Variants in C12orf71 observed in about 807,000 individuals in gnomAD.
C12orf71 encodes the protein chromosome 12 open reading frame 71.
In C12orf71, 10 loss-of-function variants were observed where a neutral mutation model predicts 11.7. That is an observed-to-expected ratio of 0.86 (90% CI 0.53 to 1.45). The LOEUF is 1.45. Among genes scored for constraint, C12orf71 ranks in the 40% most tolerant of loss-of-function variants. The pLI, the probability that C12orf71 is intolerant of heterozygous loss-of-function variation, is 0.00. For missense variants in C12orf71, 293 were observed against 325.8 expected (o/e 0.90, Z 0.78); for synonymous variants, 110 against 123.4 (o/e 0.89, Z 0.72).
In C12orf71 at chr12:27,081,059, T is replaced by G; in HGVS notation, c.*115A>C. The G allele has an allele frequency of 1.3e-6, 1 of 763,810 alleles. No individual in the cohort carries two copies. Among genetic ancestry groups the G allele is most frequent in the Non-Finnish European group, 2.1e-6 (1 of 476,986 alleles). 47.3% of individuals were successfully genotyped at this position (763,810 alleles called of 1,614,324 possible). A position where few individuals can be genotyped will look rare whatever the true frequency, so the allele number is the denominator to read the frequency against. On this transcript the variant is annotated 3_prime_UTR_variant, in exon 2 of 2. Transcript: ENST00000429849. ...GATGGTGTGCTGGGAGAGGAAGATG[T>G]GGGGTAACAAGAGCATTTATTTTGT...
At chr12:27,082,971 C>T (rs180683262), upstream of C12orf71, among the ~76,000 whole-genome samples, 20 of 151,498 alleles carry the variant, frequency 1.3e-4, no homozygotes, top group East Asian at 2.7e-3. Context: ...GATGGAGCCT[C>T]GCTCTGTTGT....
At position 27,082,126 on chromosome 12, in the gene C12orf71, G is replaced by A. The variant is rs765466815; in HGVS notation, c.358C>T (p.Pro120Ser). 2.5e-6 allele frequency: 4 copies of A among 1,613,120 alleles called. No homozygotes were observed. In the East Asian group the frequency reaches 8.9e-5, roughly 36 times the overall value. The change falls in exon 1 of 2, where the codon CCA becomes TCA. Residue 120 changes from proline to serine, a missense_variant. Coordinates refer to ENST00000429849, the MANE Select transcript of C12orf71 (RefSeq NM_001080406.2). Reference protein sequence around the residue: ...NGDNLWIDKLPKERTKLSVGK... With the variant: ...NGDNLWIDKLSKERTKLSVGK... ...ACAGACAGTTTTGTTCTCTCTTTTG[G>A]TAACTTGTCTATCCACAGGTTGTCT...
In C12orf71 at chr12:27,082,342, C is replaced by T; in HGVS notation, c.142G>A (p.Gly48Ser). 2.5e-6 allele frequency: 4 copies of T among 1,600,026 alleles called. No homozygotes were observed. The highest frequency in any genetic ancestry group is 3.4e-6 in the Non-Finnish European group (4 of 1,174,152). Reference sequence around the variant, plus strand: ...GGAGGCAGAAAGTGGATGGAAGGACCCTTGGAAGGTGCATCTTCCCAGGAG... The same window carrying T: ...GGAGGCAGAAAGTGGATGGAAGGACTCTTGGAAGGTGCATCTTCCCAGGAG... The part of the protein sequence containing the change: ...TTSWEDAPSK[G>S]PSIHFLPPVQ... Residue 48 changes from glycine to serine, a missense_variant, in exon 1 of 2, where the codon GGT (glycine) becomes AGT (serine). Coordinates refer to ENST00000429849, the MANE Select transcript of C12orf71 (RefSeq NM_001080406.2).
chr12:27,081,749 C>G (rs1288083399), intron 1 of C12orf71: 8 of 716,794 alleles, frequency 1.1e-5, no homozygotes, highest in Non-Finnish European at 2.0e-5. Flanking sequence ...ACTGGTATCA[C>G]GTCAGTCCCC....
upstream of C12orf71, chr12:27,082,607 C>A (rs1941947308): frequency 4.5e-6 from 3 of 669,112 alleles, no homozygotes; most frequent in Non-Finnish European, 6.7e-6. Flanking sequence ...ATTCCCTTCT[C>A]TTTTTTCTTT....
At position 27,082,347 on chromosome 12, in the gene C12orf71, G is replaced by C. The variant is rs774555349; in HGVS notation, c.137C>G (p.Ser46Cys). The C allele has an allele frequency of 1.3e-6, 2 of 1,599,288 alleles. No individual in the cohort carries two copies. Among genetic ancestry groups the C allele is most frequent in the Non-Finnish European group, 1.7e-6 (2 of 1,173,726 alleles). ...CAGAAAGTGGATGGAAGGACCCTTG[G>C]AAGGTGCATCTTCCCAGGAGGTTGT... is the stretch of plus-strand genomic sequence containing the variant. ...EDTTSWEDAP[S>C]KGPSIHFLPP... is the part of the protein sequence containing the mutation. The change falls in exon 1 of 2, where the codon TCC (serine) becomes TGC (cysteine). Residue 46 changes from serine to cysteine, a missense_variant. Physicochemically the swap from Ser to Cys is moderately radical, Grantham distance 112 (BLOSUM62 -1). Transcript: ENST00000429849.
chr12:27,082,957 T>C (rs1591805542), upstream of C12orf71, among the ~76,000 whole-genome samples: 1 of 151,888 alleles, frequency 6.6e-6, no homozygotes, highest in Non-Finnish European at 1.5e-5. Flanking sequence ...GTTTTTTTTT[T>C]TGAGATGGAG....
At position 27,081,409 on chromosome 12, in the gene C12orf71, A is replaced by G; in HGVS notation, c.575T>C (p.Leu192Pro). ...GTCATCCTTCTCTGGCTGCTCTGAC[A>G]GGATTGAGGAGATCTCTGGAGCGCT... is the stretch of plus-strand genomic sequence containing the variant. ...RTSAPEISSI[L>P]SEQPEKDDTP... The change falls in exon 2 of 2, where the codon CTG (leucine) becomes CCG (proline). Residue 192 changes from leucine (L) to proline (P), a missense_variant. By Grantham distance (98) the Leu-to-Pro change is moderately conservative. Transcript: ENST00000429849. The G allele has an allele frequency of 3.1e-6, 5 of 1,614,000 alleles. No homozygotes were observed. Among genetic ancestry groups the G allele is most frequent in the Non-Finnish European group, 3.4e-6 (4 of 1,179,882 alleles).
chr12:27,081,873 C>G, intron 1 of C12orf71, 95 bp downstream of exon 1: 1 of 1,279,784 alleles, frequency 7.8e-7, no homozygotes, highest in Non-Finnish European at 1.1e-6. Flanking sequence ...TCCCTTAAGC[C>G]TTAGAGGAGT....
upstream of C12orf71, among the ~76,000 whole-genome samples, chr12:27,082,962 A>T (rs756883790): frequency 1.3e-5 from 2 of 149,814 alleles, no homozygotes; most frequent in African/African-American, 4.9e-5. Context: ...TTTTTTTGAG[A>T]TGGAGCCTCG....
chr12:27,084,069 C>A (rs747910065), upstream of C12orf71, among the ~76,000 whole-genome samples: 6 of 152,164 alleles, frequency 3.9e-5, no homozygotes, highest in East Asian at 1.2e-3. Context: ...AAAGGAGACA[C>A]GAGAAATCCT....
Position 27,081,095 on chromosome 12 carries a change from A to G in C12orf71, c.*79T>C. On this transcript the variant is annotated 3_prime_UTR_variant, in exon 2 of 2. Coordinates refer to ENST00000429849, the MANE Select transcript of C12orf71 (RefSeq NM_001080406.2). ...GAGCATTTATTTTGTTTATTGAGGA[A>G]AAAACAAACTGATGGGGATTATTAA... is the stretch of plus-strand genomic sequence containing the variant. The G allele has an allele frequency of 8.6e-7, 1 of 1,164,744 alleles. No homozygotes were observed. Among genetic ancestry groups the G allele is most frequent in the South Asian group, 1.5e-5 (1 of 64,802 alleles). 72.2% of individuals were successfully genotyped at this position (1,164,744 alleles called of 1,614,324 possible).
intron 1 of C12orf71, 75 bp from the exon 2 acceptor site, chr12:27,081,542 G>T: frequency 1.4e-6 from 2 of 1,451,494 alleles, no homozygotes; most frequent in Non-Finnish European, 1.9e-6. Flanking sequence ...CTCATTTGTG[G>T]AACTCACATC....
chr12:27,083,101 CA>C (rs1941951320), upstream of C12orf71, among the ~76,000 whole-genome samples: 1 of 151,992 alleles, frequency 6.6e-6, no homozygotes, highest in Non-Finnish European at 1.5e-5. Context: ...CCACCATGCC[CA>C]GCTAATTTTT....
At chr12:27,082,972 G>C (rs140317720), upstream of C12orf71, among the ~76,000 whole-genome samples, 516 of 150,662 alleles carry the variant, frequency 3.4e-3, 3 homozygotes, top group Non-Finnish European at 2.3e-3. Context: ...ATGGAGCCTC[G>C]CTCTGTTGTC....
chr12:27,083,087 C>T (rs1259552501), upstream of C12orf71, among the ~76,000 whole-genome samples: 1 of 151,972 alleles, frequency 6.6e-6, no homozygotes, highest in Non-Finnish European at 1.5e-5. Flanking sequence ...ACTACAGGCA[C>T]ATGCCACCAT....
chr12:27,081,838 C>A (rs75900936), intron 1 of C12orf71, 130 bp downstream of exon 1: 1 of 982,926 alleles, frequency 1.0e-6, no homozygotes, highest in African/African-American at 1.6e-5. Flanking sequence ...TGTGAGGCAT[C>A]TCTGCTCTCC....
Position 27,081,177 on chromosome 12 carries a change from T to C in C12orf71, c.807A>G (p.Ile269Met), listed in dbSNP as rs1359603703. 6.2e-6 allele frequency: 10 copies of C among 1,607,482 alleles called. No homozygotes were observed. The highest frequency in any genetic ancestry group is 7.7e-6 in the Non-Finnish European group (9 of 1,175,518). ...TCCAAAAAGTTTAAAAATCTGTCTATATGGGATGTCCTAATTCAAGGGTTT... is the reference window on the plus strand; with the variant it reads ...TCCAAAAAGTTTAAAAATCTGTCTACATGGGATGTCCTAATTCAAGGGTTT... ...PQETLELGHP[I>M] The change falls in exon 2 of 2, where the codon ATA (isoleucine) becomes ATG (methionine). Residue 269 changes from isoleucine (I) to methionine (M), a missense_variant. Ile to Met is a conservative substitution (Grantham distance 10). Transcript: ENST00000429849.
Position 27,082,475 on chromosome 12 carries a change from A to G in C12orf71, c.9T>C (p.Tyr3=). 1 of 1,500,354 alleles carries G rather than the reference A, an allele frequency of 6.7e-7. No homozygotes were observed. Among genetic ancestry groups the G allele is most frequent in the Admixed American group, 2.4e-5 (1 of 41,576 alleles). The allele number at this position is 1,500,354 out of a possible 1,614,324, so 92.9% of individuals were successfully genotyped here. ...CCTCTATGTCGCTGTTAGAGGATGA[A>G]TATGCCATGGAGTTCAAAGGCACAA... MA[Y]SSSNSDIEDD... Residue 3 remains tyrosine, a synonymous_variant, in exon 1 of 2, where the codon TAT becomes TAC. Coordinates refer to ENST00000429849, the MANE Select transcript of C12orf71 (RefSeq NM_001080406.2).
Sources: gnomAD v4.1 joint callset for allele counts (sites outside exome capture counted in the v4.1 genomes callset) on GRCh38, gnomAD v4.1.1 for gene constraint, MANE v1.5 for transcripts, NCBI Gene and HGNC (gene_info 2026-07-23, HGNC 2026-07-21) for gene names.